Variants in FAM219A observed in about 807,000 individuals in gnomAD.
The protein encoded by FAM219A is protein FAM219A.
In FAM219A, 7 loss-of-function variants were observed where a neutral mutation model predicts 23.4. That is an observed-to-expected ratio of 0.30 (90% CI 0.17 to 0.56). FAM219A has a LOEUF of 0.56. FAM219A is among the 20% of genes least tolerant of loss of function. The probability of loss-of-function intolerance (pLI) is 0.92; values close to 1 mark genes in which losing one functional copy is unlikely to be tolerated. For missense variants in FAM219A, 166 were observed against 246.9 expected (o/e 0.67, Z 2.20); for synonymous variants, 93 against 99.0 (o/e 0.94, Z 0.36).
At chr9:34,421,820 G>T (rs1822295575) in intron 1 of FAM219A, among the ~76,000 whole-genome samples, 2 of 151,866 alleles carry the variant, frequency 1.3e-5, no homozygotes, top group South Asian at 4.2e-4. Context: ...ATATATTAAT[G>T]TGCATAGAAA....
intron 1 of FAM219A, chr9:34,406,296 C>A: frequency 1.0e-6 from 1 of 985,342 alleles, no homozygotes; most frequent in Non-Finnish European, 1.2e-6. Flanking sequence ...ATACTAGTAG[C>A]CCTTCCCCTC....
chr9:34,421,009 T>A (rs67249012), intron 1 of FAM219A, among the ~76,000 whole-genome samples: 26,752 of 85,322 alleles, frequency 0.31, 4,492 homozygotes, highest in African/African-American at 0.4. Context: ...TGTGTGTGTG[T>A]GAGAGAGAGA....
intron 1 of FAM219A, among the ~76,000 whole-genome samples, chr9:34,416,335 C>T (rs985143724): frequency 8.9e-5 from 11 of 123,214 alleles, no homozygotes; most frequent in East Asian, 2.5e-4. Context: ...AGGAAGGAAG[C>T]GGAGAGAAAA....
chr9:34,402,631 A>G (rs2131924150), intron 3 of FAM219A, 74 bp downstream of exon 3: 2 of 1,567,856 alleles, frequency 1.3e-6, no homozygotes, highest in East Asian at 4.5e-5. Flanking sequence ...GAGGGAGGGA[A>G]GAGGGGGAGG....
intron 1 of FAM219A, among the ~76,000 whole-genome samples, chr9:34,408,157 A>T (rs947537510): frequency 2.0e-5 from 3 of 152,246 alleles, no homozygotes; most frequent in Non-Finnish European, 4.4e-5. Flanking sequence ...GGCTTTGCTC[A>T]GAGAGGCTGG....
intron 2 of FAM219A, among the ~76,000 whole-genome samples, chr9:34,403,866 A>G (rs1389839023): frequency 6.6e-6 from 1 of 152,186 alleles, no homozygotes. Flanking sequence ...CATGTCTCTG[A>G]ATCTCTGTCT....
intron 1 of FAM219A, among the ~76,000 whole-genome samples, chr9:34,441,799 G>A (rs1005468378): frequency 9.2e-5 from 14 of 152,118 alleles, no homozygotes; most frequent in Admixed American, 3.3e-4. Flanking sequence ...GCACGATCAT[G>A]GCTCACTGCA....
At chr9:34,431,690 C>T (rs1258051205) in intron 1 of FAM219A, among the ~76,000 whole-genome samples, 1 of 152,022 alleles carries the variant, frequency 6.6e-6, no homozygotes, top group African/African-American at 2.4e-5. Flanking sequence ...GGCTGGGCAA[C>T]ATATTGAGAC....
At chr9:34,427,814 C>T (rs1427122965) in intron 1 of FAM219A, among the ~76,000 whole-genome samples, 1 of 152,174 alleles carries the variant, frequency 6.6e-6, no homozygotes. Context: ...TGGTCAGGGG[C>T]TCAAAGTTAT....
Position 34,458,281 on chromosome 9 carries a change from G to C in FAM219A, c.-18C>G. On this transcript the variant is annotated 5_prime_UTR_variant, in exon 1 of 6. Coordinates refer to ENST00000651358, the MANE Select transcript of FAM219A (RefSeq NM_001184940.2). This position sits in a 1 kb window ranked among gnomAD's most constrained non-coding sequence, Gnocchi z 6.6. ...TCCATCATGGTGCCGGCGGGCGAGC[G>C]GGCCAGGGGCCGGGCGCGGCCGCGG... 6.9e-7 allele frequency: 1 copy of C among 1,448,262 alleles called. No individual in the cohort carries two copies. The highest frequency in any genetic ancestry group is 2.9e-5 in the East Asian group (1 of 34,310). 89.7% of individuals were successfully genotyped at this position (1,448,262 alleles called of 1,614,324 possible).
chr9:34,430,279 A>T (rs1822641600), intron 1 of FAM219A, among the ~76,000 whole-genome samples: 1 of 152,156 alleles, frequency 6.6e-6, no homozygotes, highest in Non-Finnish European at 1.5e-5. Flanking sequence ...CTGTAATCCC[A>T]GCACTCTGGG....
At chr9:34,414,903 G>A (rs578154797) in intron 1 of FAM219A, among the ~76,000 whole-genome samples, 1 of 152,226 alleles carries the variant, frequency 6.6e-6, no homozygotes, top group Non-Finnish European at 1.5e-5. Context: ...GAATGCAGAA[G>A]AGGAAAGCAT....
chr9:34,458,156 A>C lies in FAM219A; in HGVS notation c.60+48T>G, dbSNP rs1823826577. On this transcript the variant is annotated intron_variant, in intron 1 of 5. Transcript: ENST00000651358. This position sits in a 1 kb window ranked among gnomAD's most constrained non-coding sequence, Gnocchi z 6.6. ...CGGCCTGATTCCCTCCCTCCCCCTC[A>C]AGCGACGCCCCCTCCGGCCTTGGCC... 2.3e-5 allele frequency: 33 copies of C among 1,430,594 alleles called. No individual in the cohort carries two copies. The highest frequency in any genetic ancestry group is 7.9e-5 in the South Asian group (6 of 76,162). 88.6% of individuals were successfully genotyped at this position (1,430,594 alleles called of 1,614,324 possible).
chr9:34,421,009 T>TGAGAGAGAGAGAGAGAGAGAGA (rs143749316), intron 1 of FAM219A, among the ~76,000 whole-genome samples: 11 of 86,356 alleles, frequency 1.3e-4, no homozygotes, highest in South Asian at 4.0e-4. Context: ...TGTGTGTGTG[T>TGAGAGAGAGAGAGAGAGAGAGA]GAGAGAGAGA....
chr9:34,458,322 C>T lies in FAM219A; in HGVS notation c.-59G>A, dbSNP rs574210798. 7.1e-4 allele frequency: 850 copies of T among 1,201,122 alleles called. 6 individuals carry two copies. In the African/African-American group the frequency reaches 0.012, roughly 17 times the overall value. The allele number at this position is 1,201,122 out of a possible 1,614,324, so 74.4% of individuals were successfully genotyped here. On this transcript the variant is annotated 5_prime_UTR_variant, in exon 1 of 6. Transcript: ENST00000651358. The surrounding 1 kb of genome is among the most constrained non-coding windows in gnomAD (Gnocchi z 6.6). Reference sequence around the variant, plus strand: ...GCGGCCGCGGACGCCGACAGGACCGCGCGGGGCGGCGGCCCCAGGAGCCCG... The same window carrying T: ...GCGGCCGCGGACGCCGACAGGACCGTGCGGGGCGGCGGCCCCAGGAGCCCG...
At chr9:34,438,392 T>A (rs1588064458) in intron 1 of FAM219A, among the ~76,000 whole-genome samples, 2 of 152,216 alleles carry the variant, frequency 1.3e-5, no homozygotes, top group African/African-American at 4.8e-5. Context: ...ATCCACTGGG[T>A]GAAGCCAGCT....
intron 1 of FAM219A, among the ~76,000 whole-genome samples, chr9:34,439,812 T>C (rs988440343): frequency 1.3e-5 from 2 of 152,090 alleles, no homozygotes; most frequent in African/African-American, 2.4e-5. Context: ...CCAGATCACA[T>C]GTTAGGGTTA....
chr9:34,428,285 A>G (rs1035338954), intron 1 of FAM219A, among the ~76,000 whole-genome samples: 1 of 152,222 alleles, frequency 6.6e-6, no homozygotes, highest in African/African-American at 2.4e-5. Flanking sequence ...GGTAAAGGAA[A>G]ATGCAAGAAA....
At chr9:34,437,845 C>A (rs1822979983) in intron 1 of FAM219A, among the ~76,000 whole-genome samples, 1 of 152,250 alleles carries the variant, frequency 6.6e-6, no homozygotes, top group Non-Finnish European at 1.5e-5. Context: ...GCCCTTCAGC[C>A]CACCGCTGCA....
Sources: allele counts gnomAD v4.1 joint callset (sites outside exome capture counted in the v4.1 genomes callset), GRCh38; gene constraint gnomAD v4.1.1; non-coding constraint Gnocchi (gnomAD v3.1); transcripts MANE v1.5; gene names NCBI Gene and HGNC (gene_info 2026-07-23, HGNC 2026-07-21).